Variants in ANO2 observed in about 807,000 individuals in gnomAD.
ANO2 encodes anoctamin 2.
ANO2 carries 101 observed loss-of-function variants against 124.2 expected under a neutral mutation model. That is an observed-to-expected ratio of 0.81 (90% CI 0.69 to 0.96). The LOEUF is 0.96. Ranked by LOEUF, ANO2 falls within the 40% of genes least tolerant of loss-of-function variation. The pLI, the probability that ANO2 is intolerant of heterozygous loss-of-function variation, is 0.00. For missense variants in ANO2, 1,293 were observed against 1,274.5 expected (o/e 1.01, Z -0.22); for synonymous variants, 486 against 482.5 (o/e 1.01, Z -0.09).
At position 5,612,696 on chromosome 12, in the gene ANO2, T is replaced by A. The variant is rs1430438481; in HGVS notation, c.2047A>T (p.Lys683Ter). 2.5e-6 allele frequency: 4 copies of A among 1,613,782 alleles called. No homozygotes were observed. The highest frequency in any genetic ancestry group is 3.4e-6 in the Non-Finnish European group (4 of 1,179,846). ...CIQLSIIMLG[K>*]QLIQNNIFEI... ...AAGATGTTGTTCTGGATCAACTGCT[T>A]CCCCAACATGATGATGCTGAGCTGA... The change falls in exon 19 of 25, where the codon AAG becomes TAG. Residue 683 changes from lysine (K) to a stop codon, truncating the protein, a stop_gained. Transcript: ENST00000682330. LOFTEE classifies it high-confidence loss of function.
At chr12:5,700,825 A>C (rs1395615033) in intron 14 of ANO2, among the ~76,000 whole-genome samples, 2 of 151,868 alleles carry the variant, frequency 1.3e-5, no homozygotes, top group African/African-American at 4.8e-5. Flanking sequence ...CTGCACGAGG[A>C]CTCCTCACGT....
intron 20 of ANO2, among the ~76,000 whole-genome samples, chr12:5,593,179 G>A (rs528930619): frequency 1.3e-5 from 2 of 152,356 alleles, no homozygotes; most frequent in African/African-American, 4.8e-5. Flanking sequence ...CTGCTCTCAT[G>A]ACTGTGTGAA....
intron 5 of ANO2, among the ~76,000 whole-genome samples, 178 bp from the exon 6 acceptor site, chr12:5,830,667 AT>A (rs1213984312): frequency 1.3e-5 from 2 of 152,210 alleles, no homozygotes; most frequent in African/African-American, 4.8e-5. Flanking sequence ...TATTCTAGAA[AT>A]TTATCTTAGG....
chr12:5,586,399 C>A (rs76951051), intron 20 of ANO2, among the ~76,000 whole-genome samples: 3 of 152,172 alleles, frequency 2.0e-5, no homozygotes, highest in Non-Finnish European at 4.4e-5. Context: ...AATGACTCAG[C>A]GTGTGTAAAC....
chr12:5,598,724 C>A (rs1943785139), intron 20 of ANO2, among the ~76,000 whole-genome samples: 1 of 152,198 alleles, frequency 6.6e-6, no homozygotes. Flanking sequence ...TGGAAAGAGA[C>A]TTCTCAAACA....
chr12:5,929,345 C>T (rs1591806757), intron 1 of ANO2, among the ~76,000 whole-genome samples: 2 of 88,902 alleles, frequency 2.2e-5, no homozygotes, highest in Admixed American at 1.1e-4. Context: ...TCTTTCCTCA[C>T]TCGTCTGCCT....
At chr12:5,868,024 ATAATT>A (rs1955476807) in intron 3 of ANO2, among the ~76,000 whole-genome samples, 1 of 152,184 alleles carries the variant, frequency 6.6e-6, no homozygotes, top group Non-Finnish European at 1.5e-5. Flanking sequence ...ACAGTCAATA[ATAATT>A]TAATTGTATA....
intron 10 of ANO2, among the ~76,000 whole-genome samples, chr12:5,764,479 C>T (rs71459971): frequency 0.047 from 7,142 of 152,252 alleles, 247 homozygotes; most frequent in Non-Finnish European, 0.068. Flanking sequence ...CAAGGTTGCA[C>T]AGCTGGTAAG....
chr12:5,682,631 C>A (rs1031307402), intron 14 of ANO2, among the ~76,000 whole-genome samples: 1 of 152,170 alleles, frequency 6.6e-6, no homozygotes, highest in Admixed American at 6.5e-5. Flanking sequence ...AGAAATACCA[C>A]GTTAGGCATT....
intron 14 of ANO2, among the ~76,000 whole-genome samples, chr12:5,722,986 G>A (rs2137054527): frequency 6.6e-6 from 1 of 152,342 alleles, no homozygotes; most frequent in African/African-American, 2.4e-5. Context: ...ACCTTGCCAT[G>A]TAAGAGAGTG....
intron 23 of ANO2, among the ~76,000 whole-genome samples, chr12:5,569,374 C>T (rs1941969167): frequency 6.6e-6 from 1 of 152,174 alleles, no homozygotes; most frequent in African/African-American, 2.4e-5. Context: ...CAAAGAGAAG[C>T]AGAGTTTTAT....
At chr12:5,815,553 T>C (rs1591649682) in intron 7 of ANO2, among the ~76,000 whole-genome samples, 2 of 152,182 alleles carry the variant, frequency 1.3e-5, no homozygotes, top group African/African-American at 2.4e-5. Context: ...AATTGTGTGA[T>C]AGACTTTAGA....
At chr12:5,847,151 T>C (rs1485842924) in intron 4 of ANO2, among the ~76,000 whole-genome samples, 1 of 152,158 alleles carries the variant, frequency 6.6e-6, no homozygotes, top group Admixed American at 6.5e-5. Context: ...ATCCAATCAG[T>C]TGAAGGCCGG....
intron 14 of ANO2, among the ~76,000 whole-genome samples, chr12:5,652,578 G>A (rs1946965699): frequency 1.3e-5 from 2 of 151,988 alleles, no homozygotes; most frequent in African/African-American, 4.8e-5. Flanking sequence ...CCTCGAAGCT[G>A]TGATAGTTTC....
intron 14 of ANO2, among the ~76,000 whole-genome samples, chr12:5,675,125 A>T (rs1293728205): frequency 4.6e-5 from 7 of 152,190 alleles, no homozygotes; most frequent in African/African-American, 1.7e-4. Context: ...GGATGAATGA[A>T]TGTAACTGAG....
intron 3 of ANO2, among the ~76,000 whole-genome samples, chr12:5,869,021 G>A (rs1955503935): frequency 6.6e-6 from 1 of 152,166 alleles, no homozygotes; most frequent in African/African-American, 2.4e-5. Context: ...AGGGGAAGCT[G>A]GAAAAAGGCA....
At position 5,921,236 on chromosome 12, in the gene ANO2, T is replaced by TGCACCCCGCGTTTCCGGTAGTGGTAGGC; in HGVS notation, c.310_337dup (p.His113ArgfsTer39). ...GTGGCCAGGGAAGCCTTGGGCCAGG[T>TGCACCCCGCGTTTCCGGTAGTGGTAGGC]GCACCCCGCGTTTCCGGTAGTGGTA... On this transcript the variant is annotated frameshift_variant, in exon 3 of 25. Transcript: ENST00000682330. LOFTEE classifies it high-confidence loss of function. 1 of 1,613,864 alleles carries TGCACCCCGCGTTTCCGGTAGTGGTAGGC rather than the reference T, an allele frequency of 6.2e-7. No homozygotes were observed. The highest frequency in any genetic ancestry group is 8.5e-7 in the Non-Finnish European group (1 of 1,179,834).
chr12:5,875,360 G>A (rs1443992149), intron 3 of ANO2, among the ~76,000 whole-genome samples: 2 of 152,212 alleles, frequency 1.3e-5, no homozygotes, highest in South Asian at 2.1e-4. Context: ...GCAGGGGAAC[G>A]CAAGCTGGCC....
At chr12:5,886,290 T>C (rs140396515) in intron 3 of ANO2, among the ~76,000 whole-genome samples, 11 of 152,314 alleles carry the variant, frequency 7.2e-5, no homozygotes, top group Non-Finnish European at 1.3e-4. Flanking sequence ...TGGAATACTA[T>C]TCAGCCTTAA....
Sources: gnomAD v4.1 joint callset for allele counts (sites outside exome capture counted in the v4.1 genomes callset) on GRCh38, gnomAD v4.1.1 for gene constraint, MANE v1.5 for transcripts, NCBI Gene and HGNC (gene_info 2026-07-23, HGNC 2026-07-21) for gene names.